The following EML5 variants were observed in gnomAD, a reference collection of about 807,000 sequenced individuals.
The protein encoded by EML5 is echinoderm microtubule-associated protein-like 5.
In EML5, 120 loss-of-function variants were observed where a neutral mutation model predicts 250.0. The ratio of observed to expected loss-of-function variants is 0.48; its 90% CI spans 0.41 to 0.56. The LOEUF (loss-of-function observed/expected upper bound fraction) is 0.56, where lower values mean the gene tolerates loss of function less well. EML5 is among the 20% of genes least tolerant of loss of function. The pLI, the probability that EML5 is intolerant of heterozygous loss-of-function variation, is 0.00. For synonymous variants in EML5, 771 were observed against 806.5 expected, an observed-to-expected ratio of 0.96 and a Z score of 0.75; for missense variants, 2,006 against 2,437.6, an observed-to-expected ratio of 0.82 and a Z score of 3.73.
chr14:88,658,951 T>A (rs1280763492), intron 25 of EML5, among the ~76,000 whole-genome samples: 2 of 152,170 alleles, frequency 1.3e-5, no homozygotes, highest in Non-Finnish European at 2.9e-5. Flanking sequence ...ATCGATTGAT[T>A]GCTTTGGTAC....
chr14:88,736,609 TGA>T, intron 6 of EML5, 44 bp from the exon 7 acceptor site: 1 of 1,583,856 alleles, frequency 6.3e-7, no homozygotes, highest in Non-Finnish European at 8.7e-7. Context: ...GCTGTAATAA[TGA>T]TAGCAGCAGG....
Position 88,705,545 on chromosome 14 carries a change from C to T in EML5, c.1869G>A (p.Leu623=), listed in dbSNP as rs768280708. ...CAGAATCCAGTTCTGGAACATCAGA[C>T]AGATCTGAATCTGATTCATCACTAT... ...DSHSDESDSD[L]SDVPELDSEI... Residue 623 remains leucine, a synonymous_variant, in exon 12 of 44, where the codon CTG becomes CTA. Transcript: ENST00000554922. 1.2e-6 allele frequency: 2 copies of T among 1,603,132 alleles called. No individual in the cohort carries two copies. The highest frequency in any genetic ancestry group is 4.5e-5 in the East Asian group (2 of 44,678).
At position 88,658,397 on chromosome 14, in the gene EML5, G is replaced by A. The variant is rs767153969; in HGVS notation, c.3676-9C>T. ...AACTTTCCAAATTTCCCCTAAAGAGGAAGAAAATTCAAACAATCTTTCTGA... is the reference window on the plus strand; with the variant it reads ...AACTTTCCAAATTTCCCCTAAAGAGAAAGAAAATTCAAACAATCTTTCTGA... On this transcript the variant is annotated splice_polypyrimidine_tract_variant and intron_variant, in intron 25 of 43. Transcript: ENST00000554922. 8.9e-6 allele frequency: 14 copies of A among 1,569,668 alleles called. No individual in the cohort carries two copies. The Admixed American group carries it at 2.5e-4, about 28-fold the overall frequency.
At chr14:88,703,927 AATTT>A (rs1454145979) in intron 13 of EML5, among the ~76,000 whole-genome samples, 2 of 152,114 alleles carry the variant, frequency 1.3e-5, no homozygotes, top group African/African-American at 2.4e-5. Flanking sequence ...TCATAAGACA[AATTT>A]ATTTTTTATT....
At position 88,715,007 on chromosome 14, in the gene EML5, C is replaced by T. The variant is rs2093469105; in HGVS notation, c.1376G>A (p.Trp459Ter). ...GSLSFITHLD[W>*]SSDSRYLQTN... ...CTGCAAATATCTACTGTCTGAAGAC[C>T]AGTCCAGATGAGTGATGAAACTAAG... The change falls in exon 9 of 44, where the codon TGG becomes TAG. Residue 459 changes from tryptophan to a stop codon, truncating the protein, a stop_gained. Transcript: ENST00000554922. LOFTEE classifies it high-confidence loss of function. The T allele has an allele frequency of 6.2e-7, 1 of 1,613,684 alleles. No homozygotes were observed. Among genetic ancestry groups the T allele is most frequent in the Non-Finnish European group, 8.5e-7 (1 of 1,179,820 alleles).
rs184515325 is a variant in EML5, at chr14:88,727,450, G to A, written c.1050-772C>T. Among the ~76,000 whole-genome samples, 234 of 147,870 alleles carry A rather than the reference G, an allele frequency of 1.6e-3. 1 individual carries two copies. Among genetic ancestry groups the A allele is most frequent in the South Asian group, 0.014 (64 of 4,680 alleles). The stretch of plus-strand genomic sequence containing the variant: ...GAGTTTCGTTCCTGTTGTCCAGGCC[G>A]GAGTGCAATGGTGTGATCTCGGCTC... On this transcript the variant is annotated intron_variant, in intron 7 of 43. Coordinates refer to ENST00000554922, the MANE Select transcript of EML5 (RefSeq NM_183387.3).
chr14:88,634,379 GA>G, intron 33 of EML5, 89 bp downstream of exon 33: 1 of 836,670 alleles, frequency 1.2e-6, no homozygotes, highest in Middle Eastern at 2.4e-4. Context: ...AGTAATGCAA[GA>G]ACGGACTAAT....
intron 24 of EML5, 65 bp downstream of exon 24, chr14:88,662,966 A>G (rs1249696253): frequency 8.8e-7 from 1 of 1,137,332 alleles, no homozygotes; most frequent in Admixed American, 2.5e-5. Context: ...GATAGAAAGT[A>G]GGTATCAGTT....
At position 88,694,420 on chromosome 14, in the gene EML5, T is replaced by G. The variant is rs2093029504; in HGVS notation, c.2439-13A>C. 1.3e-6 allele frequency: 2 copies of G among 1,513,544 alleles called. No homozygotes were observed. The highest frequency in any genetic ancestry group is 1.2e-5 in the South Asian group (1 of 82,766). 93.8% of individuals were successfully genotyped at this position (1,513,544 alleles called of 1,614,324 possible). ...ATCTTTACTTCCTCTGAAATAAACA[T>G]CGAAATGTTTTAGCTCTGAAGATTC... On this transcript the variant is annotated splice_polypyrimidine_tract_variant and intron_variant, in intron 16 of 43. Transcript: ENST00000554922.
At chr14:88,778,189 C>G (rs2094464650) in intron 1 of EML5, among the ~76,000 whole-genome samples, 3 of 152,018 alleles carry the variant, frequency 2.0e-5, no homozygotes. Flanking sequence ...CAGAGAACAT[C>G]ACCTTAACTA....
intron 4 of EML5, among the ~76,000 whole-genome samples, chr14:88,743,398 C>CA (rs557573283): frequency 2.8e-4 from 42 of 148,344 alleles, no homozygotes; most frequent in Middle Eastern, 3.4e-3. Context: ...CATTATTTGT[C>CA]AAAAAAAAAA....
chr14:88,667,617 C>G (rs1595446487), intron 21 of EML5, among the ~76,000 whole-genome samples: 1 of 152,082 alleles, frequency 6.6e-6, no homozygotes, highest in Admixed American at 6.6e-5. Context: ...GCCTCACAGA[C>G]TTTTTTGCTA....
chr14:88,660,878 A>G (rs2092073708), intron 25 of EML5, among the ~76,000 whole-genome samples: 1 of 152,178 alleles, frequency 6.6e-6, no homozygotes, highest in South Asian at 2.1e-4. Context: ...GAAAGCAGAA[A>G]AAAAGAATTT....
intron 33 of EML5, among the ~76,000 whole-genome samples, chr14:88,632,612 G>C (rs2090503526): frequency 6.6e-6 from 1 of 152,164 alleles, no homozygotes; most frequent in Non-Finnish European, 1.5e-5. Context: ...TACTTGCAGG[G>C]TACCAAAAAG....
intron 29 of EML5, 160 bp from the exon 30 acceptor site, chr14:88,644,671 A>C: frequency 1.9e-6 from 1 of 535,830 alleles, no homozygotes; most frequent in Non-Finnish European, 3.3e-6. Context: ...AGAGCTTCTA[A>C]AGCAGGAAGG....
chr14:88,743,999 T>G, intron 4 of EML5, 24 bp downstream of exon 4: 1 of 1,506,446 alleles, frequency 6.6e-7, no homozygotes, highest in African/African-American at 1.4e-5. Context: ...ACGTGACTAT[T>G]ATAAAACAAG....
chr14:88,744,951 T>C (rs28439299), intron 3 of EML5, among the ~76,000 whole-genome samples: 16,862 of 152,072 alleles, frequency 0.11, 1,034 homozygotes, highest in African/African-American at 0.14. Flanking sequence ...CTCACCATAA[T>C]ACAGATTATA....
intron 3 of EML5, among the ~76,000 whole-genome samples, chr14:88,745,715 C>T (rs1291919651): frequency 1.3e-5 from 2 of 152,030 alleles, no homozygotes; most frequent in Non-Finnish European, 2.9e-5. Context: ...AACTTCACAC[C>T]TTAAATATGT....
chr14:88,719,122 G>A (rs1423153050), intron 8 of EML5, among the ~76,000 whole-genome samples: 2 of 152,002 alleles, frequency 1.3e-5, no homozygotes, highest in Admixed American at 6.6e-5. Context: ...ATGGTGGCTC[G>A]TGCCTGTAAT....
Sources: gnomAD v4.1 joint callset for allele counts (sites outside exome capture counted in the v4.1 genomes callset) on GRCh38, gnomAD v4.1.1 for gene constraint, MANE v1.5 for transcripts, NCBI Gene and HGNC (gene_info 2026-07-23, HGNC 2026-07-21) for gene names.